The following ANKRD26 variants were observed in gnomAD, a reference collection of about 807,000 sequenced individuals.
ANKRD26 encodes the protein ankyrin repeat domain 26.
Under a neutral mutation model 208.7 loss-of-function variants are expected in ANKRD26, and 141 were observed. The ratio of observed to expected loss-of-function variants is 0.68; its 90% CI spans 0.59 to 0.78. The LOEUF is 0.78. ANKRD26 is among the 30% of genes least tolerant of loss of function. The pLI is 0.00. For synonymous variants in ANKRD26, 636 were observed against 660.4 expected (o/e 0.96, Z 0.57); for missense variants, 1,889 against 1,938.7 (o/e 0.97, Z 0.48).
downstream of ANKRD26, among the ~76,000 whole-genome samples, chr10:27,000,015 A>T (rs2052686424): frequency 6.6e-6 from 1 of 152,138 alleles, no homozygotes; most frequent in Admixed American, 6.6e-5. Flanking sequence ...CTTACCTAGC[A>T]ATGGGGCCCA....
intron 20 of ANKRD26, among the ~76,000 whole-genome samples, chr10:27,041,962 T>A (rs1404579263): frequency 6.6e-6 from 1 of 152,070 alleles, no homozygotes. Flanking sequence ...TGGTATGATA[T>A]TATTTGAAGG....
intron 18 of ANKRD26, among the ~76,000 whole-genome samples, chr10:27,045,655 C>G (rs2054415744): frequency 6.6e-6 from 1 of 152,112 alleles, no homozygotes; most frequent in Non-Finnish European, 1.5e-5. Context: ...AAAATCATAG[C>G]TGTTCATGAT....
At chr10:27,045,752 TATTAG>T (rs1459424076) in intron 18 of ANKRD26, among the ~76,000 whole-genome samples, 1 of 152,208 alleles carries the variant, frequency 6.6e-6, no homozygotes, top group African/African-American at 2.4e-5. Flanking sequence ...GCATGTTTAT[TATTAG>T]ATAATTTTTT....
At chr10:27,021,104 G>C (rs142236677) in intron 29 of ANKRD26, among the ~76,000 whole-genome samples, 1 of 152,238 alleles carries the variant, frequency 6.6e-6, no homozygotes, top group East Asian at 1.9e-4. Context: ...ACATTTCTTG[G>C]CACAGATCCT....
rs778133635 is a variant in ANKRD26, at chr10:27,035,593, T to C, written c.2857A>G (p.Asn953Asp). ...FEDLKIVKEKNEDLQKTIKQN... is the reference protein window; with the variant it reads ...FEDLKIVKEKDEDLQKTIKQN... ...TTTATAGTCTTCTGAAGGTCTTCAT[T>C]CTTTTCTTTTACAATTTTAAGGTCC... is the stretch of plus-strand genomic sequence containing the variant. The change falls in exon 24 of 34, where the codon AAT (asparagine) becomes GAT (aspartate). Residue 953 changes from asparagine to aspartate, a missense_variant. By Grantham distance (23) the Asn-to-Asp change is conservative (BLOSUM62 1). This residue lies in a region of ANKRD26 where 1,272 missense variants were observed against 1,273.8 expected (regional missense o/e 1.00). Transcript: ENST00000376087. 3.7e-6 allele frequency: 6 copies of C among 1,606,948 alleles called. No homozygotes were observed. In the Admixed American group the frequency reaches 5.1e-5, roughly 14 times the overall value.
intron 7 of ANKRD26, 81 bp downstream of exon 7, chr10:27,079,008 G>A: frequency 8.5e-7 from 1 of 1,176,698 alleles, no homozygotes; most frequent in South Asian, 1.3e-5. Context: ...ATGATAAGTA[G>A]ACCACTGCAA....
intron 4 of ANKRD26, among the ~76,000 whole-genome samples, chr10:27,087,312 G>A (rs943217346): frequency 5.3e-5 from 8 of 152,188 alleles, no homozygotes; most frequent in Non-Finnish European, 1.0e-4. Flanking sequence ...TTTCACTAGG[G>A]TTATAAAGAT....
rs376969366 is a variant in ANKRD26 at position 27,035,452 on chromosome 10, C to T, written c.2998G>A (p.Glu1000Lys). ...SKLENEKQSK[E>K]RLEAEVESYH... ...GATTCAACTTCTGCTTCCAGTCTTT[C>T]CTTGCTTTGCTTTTCATTCTCCAGT... The change falls in exon 24 of 34, where the codon GAA becomes AAA. Residue 1000 changes from glutamate to lysine, a missense_variant. Around this residue, in one of 3 missense-constraint regions of ANKRD26, gnomAD observed 1,272 missense variants for 1,273.8 expected, o/e 1.00. Coordinates refer to ENST00000376087, the MANE Select transcript of ANKRD26 (RefSeq NM_014915.3). 2 of 1,614,004 alleles carry T rather than the reference C, an allele frequency of 1.2e-6. No individual in the cohort carries two copies. The highest frequency in any genetic ancestry group is 1.7e-6 in the Non-Finnish European group (2 of 1,179,944).
Position 27,005,651 on chromosome 10 carries a change from T to C in ANKRD26, c.5072A>G (p.Asp1691Gly). 2.5e-6 allele frequency: 4 copies of C among 1,613,206 alleles called. No homozygotes were observed. Among genetic ancestry groups the C allele is most frequent in the Non-Finnish European group, 3.4e-6 (4 of 1,179,514 alleles). ...TTCTCTTGATGCTTTCCAAACTAGA[T>C]CTTGATTTAGATTTGACTCATCAGT... ...GSTDESNLNQ[D>G]LVWKASREYV... Residue 1691 changes from aspartate (D) to glycine (G), a missense_variant, in exon 34 of 34, where the codon GAT becomes GGT. Physicochemically the swap from Asp to Gly is moderately conservative, Grantham distance 94. Around this residue, in one of 3 missense-constraint regions of ANKRD26, gnomAD observed 613 missense variants for 648.2 expected, o/e 0.95. Transcript: ENST00000376087.
At chr10:26,960,873 G>A in the ANKRD26 span, among the ~76,000 whole-genome samples, 1 of 152,214 alleles carries the variant, frequency 6.6e-6, no homozygotes, top group Admixed American at 6.5e-5. Flanking sequence ...AACAGTGGGG[G>A]GTAGCCTCAA....
intron 5 of ANKRD26, among the ~76,000 whole-genome samples, chr10:26,979,229 G>T (rs551067212): frequency 6.6e-6 from 1 of 152,042 alleles, no homozygotes; most frequent in Non-Finnish European, 1.5e-5. Context: ...AAAAAGAAAA[G>T]AAAAAGAAAT....
intron 29 of ANKRD26, among the ~76,000 whole-genome samples, chr10:27,018,854 G>A (rs1395243610): frequency 6.6e-6 from 1 of 152,166 alleles, no homozygotes; most frequent in Non-Finnish European, 1.5e-5. Context: ...GAATAAAGAT[G>A]TAAAAAAGTA....
chr10:27,063,906 G>A (rs149396554), intron 12 of ANKRD26, 82 bp downstream of exon 12: 521 of 1,131,458 alleles, frequency 4.6e-4, no homozygotes, highest in African/African-American at 4.4e-3. Context: ...GATTTTCTTC[G>A]GCTATTAGAA....
chr10:26,952,996 G>T, the ANKRD26 span, among the ~76,000 whole-genome samples: 1 of 152,160 alleles, frequency 6.6e-6, no homozygotes, highest in African/African-American at 2.4e-5. Flanking sequence ...CTGTTGTATT[G>T]ATGTCAGAGT....
chr10:27,093,217 TTAAG>T, intron 3 of ANKRD26, 128 bp downstream of exon 3: 2 of 860,846 alleles, frequency 2.3e-6, no homozygotes, highest in Non-Finnish European at 3.7e-6. Flanking sequence ...TCTTAGACAA[TTAAG>T]TTATTTTAAA....
intron 27 of ANKRD26, 44 bp from the exon 28 acceptor site, chr10:27,024,603 C>T: frequency 9.0e-7 from 1 of 1,114,474 alleles, no homozygotes; most frequent in Non-Finnish European, 1.4e-6. Context: ...ACTCTGGAAA[C>T]ACTTTTTTTC....
At chr10:27,044,067 T>C (rs1421899961) in intron 19 of ANKRD26, 90 bp downstream of exon 19, 4 of 989,322 alleles carry the variant, frequency 4.0e-6, no homozygotes, top group Non-Finnish European at 5.6e-6. Flanking sequence ...GTGCTGAGAT[T>C]ACAGGTGTGA....
At chr10:26,974,839 T>A (rs964903796) in exon 6 of ANKRD26, among the ~76,000 whole-genome samples, 1 of 152,264 alleles carries the variant, frequency 6.6e-6, no homozygotes, top group Non-Finnish European at 1.5e-5. Flanking sequence ...TCCACTTCCT[T>A]CTGGCTTCTA....
At chr10:27,053,540 G>A in intron 15 of ANKRD26, 150 bp from the exon 16 acceptor site, 1 of 530,614 alleles carries the variant, frequency 1.9e-6, no homozygotes. Flanking sequence ...GCCTTACTCT[G>A]TCGCCCTAGC....
Sources: gnomAD v4.1 joint callset for allele counts (sites outside exome capture counted in the v4.1 genomes callset) on GRCh38, gnomAD v4.1.1 for gene constraint, gnomAD v4.1.1 regional missense constraint, MANE v1.5 for transcripts, NCBI Gene and HGNC (gene_info 2026-07-23, HGNC 2026-07-21) for gene names.